CFAP74: variants seen among roughly 807,000 people sequenced by gnomAD.
The protein encoded by CFAP74 is cilia- and flagella-associated protein 74.
CFAP74 carries 124 observed loss-of-function variants against 188.9 expected under a neutral mutation model. The ratio of observed to expected loss-of-function variants is 0.66; its 90% confidence interval spans 0.57 to 0.76. The LOEUF (loss-of-function observed/expected upper bound fraction) is 0.76, where lower values mean the gene tolerates loss of function less well. CFAP74 is among the 30% of genes least tolerant of loss of function. The pLI, the probability that CFAP74 is intolerant of heterozygous loss-of-function variation, is 0.00. For synonymous variants in CFAP74, 956 were observed against 916.7 expected (o/e 1.04, Z -0.77); for missense variants, 2,198 against 2,165.2 (o/e 1.02, Z -0.30).
intron 15 of CFAP74, 45 bp from the exon 16 acceptor site, chr1:1,959,254 TTG>T (rs1426560114): frequency 2.2e-6 from 3 of 1,349,046 alleles, no homozygotes; most frequent in Non-Finnish European, 3.2e-6. Flanking sequence ...TCTGCAACTT[TTG>T]TGTGTTTTGT....
chr1:1,979,167 A>G (rs7550407), intron 6 of CFAP74, among the ~76,000 whole-genome samples: 15,330 of 18,102 alleles, frequency 0.85, 7,182 homozygotes, highest in East Asian at 0.97. Flanking sequence ...ATCATGTGAC[A>G]AGGCTGCACA....
chr1:1,996,920 C>CAAAAAAAAA (rs200261557), intron 1 of CFAP74, among the ~76,000 whole-genome samples: 1 of 84,634 alleles, frequency 1.2e-5, no homozygotes, highest in Non-Finnish European at 2.4e-5. Context: ...GACTCTGTCT[C>CAAAAAAAAA]AAAAAAAAAA....
At chr1:1,976,566 T>C (rs7536087) in intron 6 of CFAP74, among the ~76,000 whole-genome samples, 78,720 of 151,792 alleles carry the variant, frequency 0.52, 20,823 homozygotes, top group Middle Eastern at 0.61. Context: ...TCTTTTAAAA[T>C]GAGTCTTGCT....
intron 18 of CFAP74, among the ~76,000 whole-genome samples, chr1:1,951,344 C>A (rs1283809282): frequency 1.3e-5 from 2 of 152,206 alleles, no homozygotes; most frequent in Non-Finnish European, 2.9e-5. Context: ...TGGGTGGGGA[C>A]ACAGAGCCAG....
At position 1,926,914 on chromosome 1, in the gene CFAP74, C is replaced by T; in HGVS notation, c.3642G>A (p.Gly1214=). 1.3e-6 allele frequency: 2 copies of T among 1,550,264 alleles called. No individual in the cohort carries two copies. Among genetic ancestry groups the T allele is most frequent in the Non-Finnish European group, 8.7e-7 (1 of 1,146,894 alleles). ...VASGDIKDRK[G]SEPLSFSPHN... ...CGCACCTGAAGCTCAGGGGTTCTGA[C>T]CCCTTCCTGTCTTTGATGTCGCCAC... is the stretch of plus-strand genomic sequence containing the variant. Residue 1214 remains glycine, a synonymous_variant, in exon 29 of 39, where the codon GGG becomes GGA. Coordinates refer to ENST00000682832, the MANE Select transcript of CFAP74 (RefSeq NM_001304360.2).
chr1:1,988,556 C>T lies in CFAP74; in HGVS notation c.252G>A (p.Leu84=), dbSNP rs1657380269. 1 of 1,613,468 alleles carries T rather than the reference C, an allele frequency of 6.2e-7. No individual in the cohort carries two copies. Reference sequence around the variant, plus strand: ...GCTCTTGCTCCTCATGCATCTTATCCAGGGCGCTCAGGTTCTGCCGCAGGT... The same window carrying T: ...GCTCTTGCTCCTCATGCATCTTATCTAGGGCGCTCAGGTTCTGCCGCAGGT... The part of the protein sequence containing the change: ...AFHLRQNLSA[L]DKMHEEQELF... The change falls in exon 4 of 39, where the codon CTG becomes CTA. Residue 84 remains leucine (L), a synonymous_variant. Coordinates refer to ENST00000682832, the MANE Select transcript of CFAP74 (RefSeq NM_001304360.2).
Position 1,960,172 on chromosome 1 carries a change from C to T in CFAP74, c.1695-142G>A, listed in dbSNP as rs138203411. The stretch of plus-strand genomic sequence containing the variant: ...GCCCCCTGCCCAGCCGCCTTCACCC[C>T]GGGGAGTGCTGGATCTGCTGCATTC... On this transcript the variant is annotated intron_variant, in intron 14 of 38. Transcript: ENST00000682832. 34 of 695,130 alleles carry T rather than the reference C, an allele frequency of 4.9e-5. 2 individuals carry two copies. Among genetic ancestry groups the T allele is most frequent in the South Asian group, 4.0e-4 (23 of 57,030 alleles). 43.1% of individuals were successfully genotyped at this position (695,130 alleles called of 1,614,324 possible). A position where few individuals can be genotyped will look rare whatever the true frequency, so the allele number is the denominator to read the frequency against.
chr1:1,990,433 A>C (rs1230593940), intron 2 of CFAP74, among the ~76,000 whole-genome samples: 1 of 136,352 alleles, frequency 7.3e-6, no homozygotes, highest in Non-Finnish European at 1.6e-5. Flanking sequence ...GAGCTGACTC[A>C]GCACACAACA....
At chr1:1,940,918 C>T (rs1396535624) in intron 22 of CFAP74, among the ~76,000 whole-genome samples, 3 of 152,162 alleles carry the variant, frequency 2.0e-5, no homozygotes, top group African/African-American at 7.2e-5. Context: ...GGAGACCATC[C>T]TGCCTAACAC....
intron 25 of CFAP74, among the ~76,000 whole-genome samples, chr1:1,932,098 A>AAAAAAAC (rs1557993372): frequency 2.4e-5 from 3 of 123,322 alleles, no homozygotes; most frequent in African/African-American, 8.3e-5. Context: ...AAAAAACAAA[A>AAAAAAAC]AACTTAGAAA....
At chr1:1,943,715 C>A (rs569011094) in intron 21 of CFAP74, among the ~76,000 whole-genome samples, 4 of 152,212 alleles carry the variant, frequency 2.6e-5, no homozygotes, top group African/African-American at 9.6e-5. Flanking sequence ...GCGGGCAGTG[C>A]GTTTCCTGTG....
rs1656376970 is a variant in CFAP74, at chr1:1,975,429, T to G, written c.501-1231A>C. 6.6e-6 allele frequency among the ~76,000 whole-genome samples: 1 copy of G among 152,340 alleles called. No individual in the cohort carries two copies. The highest frequency in any genetic ancestry group is 1.5e-5 in the Non-Finnish European group (1 of 68,034). The stretch of plus-strand genomic sequence containing the variant: ...TGTGTCTGCGTGTCTCACACGTGGC[T>G]GGATTTCAATGTTGAATGTTTGATT... On this transcript the variant is annotated intron_variant, in intron 6 of 38. Coordinates refer to ENST00000682832, the MANE Select transcript of CFAP74 (RefSeq NM_001304360.2). The surrounding 1 kb of genome is among the most constrained non-coding windows in gnomAD (Gnocchi z 4.5).
At chr1:1,967,055 C>G (rs1271499625) in intron 11 of CFAP74, among the ~76,000 whole-genome samples, 1 of 152,176 alleles carries the variant, frequency 6.6e-6, no homozygotes, top group Non-Finnish European at 1.5e-5. Flanking sequence ...CCAGGCTGGT[C>G]TCGAACTCTT....
intron 6 of CFAP74, 69 bp downstream of exon 6, chr1:1,985,317 C>T (rs1657162741): frequency 7.4e-7 from 1 of 1,357,516 alleles, no homozygotes; most frequent in Non-Finnish European, 1.1e-6. Context: ...GCTCTCTGCC[C>T]CCAGATGGGA....
chr1:1,923,678 C>A lies in CFAP74; in HGVS notation c.4389+97G>T. ...GGTGCTGAGTCCCCCAGCCATGGTA[C>A]CCTCAGGGCCTCCAAAGTGGAGCAG... On this transcript the variant is annotated intron_variant, in intron 35 of 38. Transcript: ENST00000682832. This position sits in a 1 kb window ranked among gnomAD's most constrained non-coding sequence, Gnocchi z 6.3. 6.4e-7 allele frequency: 1 copy of A among 1,572,444 alleles called. No individual in the cohort carries two copies. Among genetic ancestry groups the A allele is most frequent in the Non-Finnish European group, 8.7e-7 (1 of 1,146,926 alleles).
chr1:1,999,404 G>A (rs1658086291), intron 1 of CFAP74, among the ~76,000 whole-genome samples: 1 of 152,214 alleles, frequency 6.6e-6, no homozygotes, highest in African/African-American at 2.4e-5. Context: ...GTGTGTGTTA[G>A]CGGGGAGTCG....
At position 1,922,594 on chromosome 1, in the gene CFAP74, A is replaced by G; in HGVS notation, c.4813T>C (p.Phe1605Leu). ...ISISWVPPADFDPDHPLMVSA... is the reference protein window; with the variant it reads ...ISISWVPPADLDPDHPLMVSA... ...TGGAGCCCAAAGGCACCTACATCAA[A>G]GTCCGCAGGTGGCACCCAGGAGATG... Residue 1605 changes from phenylalanine (F) to leucine (L), a missense_variant, in exon 38 of 39, where the codon TTT becomes CTT. By Grantham distance (22) the Phe-to-Leu change is conservative. Coordinates refer to ENST00000682832, the MANE Select transcript of CFAP74 (RefSeq NM_001304360.2). The G allele has an allele frequency of 6.2e-7, 1 of 1,607,856 alleles. No homozygotes were observed. The highest frequency in any genetic ancestry group is 1.7e-5 in the Admixed American group (1 of 59,768).
chr1:1,950,496 T>C (rs907744257), intron 18 of CFAP74, among the ~76,000 whole-genome samples: 2 of 152,090 alleles, frequency 1.3e-5, no homozygotes, highest in African/African-American at 2.4e-5. Flanking sequence ...TCTGCCGCCA[T>C]GCCCAGCTAA....
intron 25 of CFAP74, among the ~76,000 whole-genome samples, chr1:1,932,891 CT>C (rs1386467993): frequency 0.01 from 1,369 of 134,434 alleles, 22 homozygotes; most frequent in African/African-American, 0.032. Context: ...TGTGCCCGAC[CT>C]TTTTTTTTTT....
Sources: gnomAD v4.1 joint callset for allele counts (sites outside exome capture counted in the v4.1 genomes callset) on GRCh38, gnomAD v4.1.1 for gene constraint, Gnocchi (gnomAD v3.1) non-coding constraint, MANE v1.5 for transcripts, NCBI Gene and HGNC (gene_info 2026-07-23, HGNC 2026-07-21) for gene names.